The following TDRD9 variants were observed in gnomAD, a reference collection of about 807,000 sequenced individuals.
TDRD9 encodes the protein ATP-dependent RNA helicase TDRD9.
Under a neutral mutation model 172.6 loss-of-function variants are expected in TDRD9, and 124 were observed. The ratio of observed to expected loss-of-function variants is 0.72; its 90% CI spans 0.62 to 0.83. TDRD9 has a LOEUF of 0.83. TDRD9 is among the 40% of genes least tolerant of loss of function. The pLI, the probability that TDRD9 is intolerant of heterozygous loss-of-function variation, is 0.00. For missense variants in TDRD9, 1,479 were observed against 1,714.1 expected, an observed-to-expected ratio of 0.86 and a Z score of 2.42; for synonymous variants, 619 against 617.1, an observed-to-expected ratio of 1.00 and a Z score of -0.05.
At chr14:103,937,040 T>C (rs1490913597) in intron 1 of TDRD9, among the ~76,000 whole-genome samples, 1 of 152,152 alleles carries the variant, frequency 6.6e-6, no homozygotes, top group Non-Finnish European at 1.5e-5. Context: ...TGCAGTGAGC[T>C]ATGATTGCAC....
chr14:103,984,624 T>C (rs1185390017), intron 7 of TDRD9, among the ~76,000 whole-genome samples: 11 of 152,186 alleles, frequency 7.2e-5, no homozygotes, highest in East Asian at 1.9e-4. Context: ...AGAAGTTTGC[T>C]GCAGGGGCGG....
intron 1 of TDRD9, among the ~76,000 whole-genome samples, chr14:103,932,728 A>G (rs2030480420): frequency 6.6e-6 from 1 of 152,104 alleles, no homozygotes; most frequent in Non-Finnish European, 1.5e-5. Context: ...TGCACAGTTA[A>G]AATGTATTTG....
At chr14:103,932,793 G>A (rs4900603) in intron 1 of TDRD9, among the ~76,000 whole-genome samples, 8,126 of 152,202 alleles carry the variant, frequency 0.053, 444 homozygotes, top group Admixed American at 0.14. Flanking sequence ...CTGCAGTCCG[G>A]TCTGAGAGAG....
At position 103,997,284 on chromosome 14, in the gene TDRD9, G is replaced by A. The variant is rs2034090768; in HGVS notation, c.1379-1340G>A. Among the ~76,000 whole-genome samples the A allele has an allele frequency of 6.6e-6, 1 of 152,182 alleles. No homozygotes were observed. ...GTGGTGCTTAGAAAAGGACAGCAGC[G>A]GTAGGGGACAGGAGGTGGGGGTAGA... is the stretch of plus-strand genomic sequence containing the variant. On this transcript the variant is annotated intron_variant, in intron 12 of 35. Coordinates refer to ENST00000409874, the MANE Select transcript of TDRD9 (RefSeq NM_153046.3). The surrounding 1 kb of genome is among the most constrained non-coding windows in gnomAD (Gnocchi z 5.1).
intron 10 of TDRD9, 26 bp from the exon 11 acceptor site, chr14:103,994,493 G>A: frequency 6.2e-7 from 1 of 1,610,346 alleles, no homozygotes; most frequent in Non-Finnish European, 8.5e-7. Context: ...ATTCTTTATG[G>A]AGATTTTATT....
intron 7 of TDRD9, among the ~76,000 whole-genome samples, chr14:103,977,219 C>T (rs747114693): frequency 4.0e-5 from 6 of 150,946 alleles, no homozygotes; most frequent in East Asian, 2.0e-4. Flanking sequence ...GGGCCTGGCG[C>T]GGTGGCTTAT....
chr14:104,034,351 T>C (rs573138772), intron 31 of TDRD9, among the ~76,000 whole-genome samples: 2 of 152,008 alleles, frequency 1.3e-5, no homozygotes, highest in South Asian at 2.1e-4. Flanking sequence ...CCACCATGCC[T>C]GGCTAATTTT....
chr14:103,948,205 C>G (rs1032486939), intron 1 of TDRD9, among the ~76,000 whole-genome samples: 15 of 151,504 alleles, frequency 9.9e-5, no homozygotes, highest in African/African-American at 3.6e-4. Flanking sequence ...TTTGTAGAGA[C>G]AGGGTCTTAC....
chr14:103,949,678 A>ATTTAT (rs2031755950), intron 1 of TDRD9, among the ~76,000 whole-genome samples: 1 of 152,106 alleles, frequency 6.6e-6, no homozygotes. Context: ...GGCTTTGCCA[A>ATTTAT]TTTATTTTAT....
At position 104,029,225 on chromosome 14, in the gene TDRD9, A is replaced by C. The variant is rs151141124; in HGVS notation, c.3283-1883A>C. Reference sequence around the variant, plus strand: ...TTTTTCTATTTCTGTGAAGAATGTCATTGGTATTTTGATTGGAGTTGCATT... The same window carrying C: ...TTTTTCTATTTCTGTGAAGAATGTCCTTGGTATTTTGATTGGAGTTGCATT... On this transcript the variant is annotated intron_variant, in intron 28 of 35. Transcript: ENST00000409874. Among the ~76,000 whole-genome samples, 3 of 152,206 alleles carry C rather than the reference A, an allele frequency of 2.0e-5. 1 individual carries two copies. The East Asian group carries it at 5.8e-4, about 29-fold the overall frequency.
chr14:103,976,880 A>G (rs1476834193), intron 7 of TDRD9, among the ~76,000 whole-genome samples: 1 of 152,082 alleles, frequency 6.6e-6, no homozygotes, highest in Non-Finnish European at 1.5e-5. Context: ...TTTTAGAGAT[A>G]GGGTTTTGCT....
chr14:104,011,423 C>A (rs554929289), intron 20 of TDRD9, among the ~76,000 whole-genome samples: 1 of 152,160 alleles, frequency 6.6e-6, no homozygotes. Flanking sequence ...GAACATCTTT[C>A]TGTACCCAGG....
At chr14:103,939,512 G>A (rs943755245) in intron 1 of TDRD9, among the ~76,000 whole-genome samples, 8 of 151,926 alleles carry the variant, frequency 5.3e-5, no homozygotes, top group Non-Finnish European at 1.2e-4. Flanking sequence ...TCTCAGAGCA[G>A]GAATGAGAGG....
chr14:104,023,875 ACTTACTT>A (rs1418535264), intron 24 of TDRD9, among the ~76,000 whole-genome samples: 1 of 152,198 alleles, frequency 6.6e-6, no homozygotes, highest in Non-Finnish European at 1.5e-5. Flanking sequence ...GTCAGACTCC[ACTTACTT>A]TTGTAATCGA....
chr14:103,989,630 C>T (rs546623827), intron 8 of TDRD9, among the ~76,000 whole-genome samples: 1 of 152,352 alleles, frequency 6.6e-6, no homozygotes, highest in South Asian at 2.1e-4. Flanking sequence ...ATCAACCTGT[C>T]ATCAGCTGGC....
chr14:104,018,039 A>G, intron 22 of TDRD9, 53 bp from the exon 23 acceptor site: 3 of 1,080,138 alleles, frequency 2.8e-6, no homozygotes, highest in African/African-American at 1.6e-5. Context: ...TGAATGTTGA[A>G]ACTATTTTGT....
intron 20 of TDRD9, among the ~76,000 whole-genome samples, chr14:104,010,225 G>T (rs2034571229): frequency 6.6e-6 from 1 of 151,704 alleles, no homozygotes; most frequent in African/African-American, 2.4e-5. Flanking sequence ...GATTACAGGT[G>T]TGAGCCACTG....
intron 2 of TDRD9, among the ~76,000 whole-genome samples, chr14:103,956,878 GA>G (rs2032274167): frequency 6.6e-6 from 1 of 152,030 alleles, no homozygotes; most frequent in African/African-American, 2.4e-5. Flanking sequence ...GTTATCTTTT[GA>G]TTTTTTTTGC....
At chr14:104,015,766 G>T (rs77116911) in intron 21 of TDRD9, among the ~76,000 whole-genome samples, 3 of 152,128 alleles carry the variant, frequency 2.0e-5, no homozygotes, top group Non-Finnish European at 4.4e-5. Context: ...TTTCTGTTAG[G>T]TGAAAAAAGT....
Sources: gnomAD v4.1 joint callset for allele counts (sites outside exome capture counted in the v4.1 genomes callset) on GRCh38, gnomAD v4.1.1 for gene constraint, Gnocchi (gnomAD v3.1) non-coding constraint, MANE v1.5 for transcripts, NCBI Gene and HGNC (gene_info 2026-07-23, HGNC 2026-07-21) for gene names.